SLC37A3: variants seen among roughly 807,000 people sequenced by gnomAD.
SLC37A3 encodes the protein sugar phosphate exchanger 3.
A neutral mutation model predicts 67.1 loss-of-function variants in SLC37A3; 51 were observed. That is an observed-to-expected ratio of 0.76 (90% confidence interval 0.61 to 0.96). The LOEUF is 0.96. Among genes scored for constraint, SLC37A3 ranks in the 40% least tolerant of loss-of-function variants. SLC37A3 has a pLI of 0.00. For missense variants in SLC37A3, 508 were observed against 603.0 expected, an observed-to-expected ratio of 0.84 and a Z score of 1.65; for synonymous variants, 214 against 231.4, an observed-to-expected ratio of 0.92 and a Z score of 0.68.
intron 5 of SLC37A3, among the ~76,000 whole-genome samples, chr7:140,361,061 A>C (rs1156707041): frequency 2.0e-5 from 3 of 152,092 alleles, no homozygotes; most frequent in East Asian, 3.9e-4. Flanking sequence ...CAGAAGCGGG[A>C]CTGACATTCT....
intron 1 of SLC37A3, among the ~76,000 whole-genome samples, chr7:140,394,425 C>G (rs1270630045): frequency 2.0e-5 from 3 of 151,786 alleles, no homozygotes; most frequent in Non-Finnish European, 4.4e-5. Flanking sequence ...TAAGACCAAC[C>G]TTGGCAACAT....
At chr7:140,398,352 C>A in intron 1 of SLC37A3, 64 bp downstream of exon 1, 1 of 152,492 alleles carries the variant, frequency 6.6e-6, no homozygotes, top group Non-Finnish European at 1.5e-5. Flanking sequence ...CCCGGGAAGC[C>A]CCTCGGATTG....
chr7:140,358,826 C>A (rs747638182), intron 5 of SLC37A3, 41 bp from the exon 6 acceptor site: 1 of 1,612,062 alleles, frequency 6.2e-7, no homozygotes, highest in Non-Finnish European at 8.5e-7. Flanking sequence ...AACAGCCACA[C>A]TGACACTTTC....
At chr7:140,389,202 A>G (rs1798628764) in intron 1 of SLC37A3, among the ~76,000 whole-genome samples, 1 of 152,190 alleles carries the variant, frequency 6.6e-6, no homozygotes, top group Non-Finnish European at 1.5e-5. Context: ...CTACAAGATT[A>G]GAAATTACAA....
chr7:140,343,251 G>A (rs960952488), intron 13 of SLC37A3, among the ~76,000 whole-genome samples, 161 bp downstream of exon 13: 4 of 152,194 alleles, frequency 2.6e-5, no homozygotes, highest in Non-Finnish European at 5.9e-5. Flanking sequence ...TCTACATTAG[G>A]ACGCATCAGC....
intron 13 of SLC37A3, 91 bp downstream of exon 13, chr7:140,343,321 G>C: frequency 6.4e-7 from 1 of 1,567,280 alleles, no homozygotes; most frequent in South Asian, 1.1e-5. Flanking sequence ...CAGCACAAGA[G>C]TGCCACCTAC....
chr7:140,357,041 C>T (rs1431943456), intron 6 of SLC37A3, among the ~76,000 whole-genome samples: 1 of 151,972 alleles, frequency 6.6e-6, no homozygotes, highest in Non-Finnish European at 1.5e-5. Flanking sequence ...GGAGAAACCC[C>T]ATCTCCACTA....
intron 9 of SLC37A3, among the ~76,000 whole-genome samples, chr7:140,349,810 G>A (rs1248677092): frequency 6.6e-6 from 1 of 152,166 alleles, no homozygotes; most frequent in Non-Finnish European, 1.5e-5. Context: ...AACAGCAAAA[G>A]AGGTCCATAT....
intron 5 of SLC37A3, among the ~76,000 whole-genome samples, chr7:140,362,294 T>C (rs2117148883): frequency 7.6e-6 from 1 of 132,358 alleles, no homozygotes. Context: ...GTCTGAGAAG[T>C]GAGGAAACCC....
At chr7:140,368,908 A>G (rs1448493291) in intron 4 of SLC37A3, among the ~76,000 whole-genome samples, 2 of 152,138 alleles carry the variant, frequency 1.3e-5, no homozygotes, top group East Asian at 3.8e-4. Context: ...GTTGCGCTGG[A>G]CCCAAGTCAC....
chr7:140,381,213 T>TA (rs138883793), intron 2 of SLC37A3, among the ~76,000 whole-genome samples: 32 of 136,024 alleles, frequency 2.4e-4, no homozygotes, highest in Admixed American at 4.3e-4. Context: ...TTCTTCTCTT[T>TA]AAAAAAAAAA....
chr7:140,375,474 CAAA>C (rs11292852), intron 3 of SLC37A3, among the ~76,000 whole-genome samples: 1 of 139,888 alleles, frequency 7.1e-6, no homozygotes. Flanking sequence ...GACTCCGTCT[CAAA>C]AAAAAAAAAA....
chr7:140,375,524 A>C (rs556349755), intron 3 of SLC37A3, among the ~76,000 whole-genome samples: 1 of 152,232 alleles, frequency 6.6e-6, no homozygotes, highest in East Asian at 1.9e-4. Context: ...CAAAAATCAC[A>C]ATCAGCAATT....
At chr7:140,361,811 C>G (rs372378832) in intron 5 of SLC37A3, among the ~76,000 whole-genome samples, 1 of 142,718 alleles carries the variant, frequency 7.0e-6, no homozygotes, top group Admixed American at 6.9e-5. Context: ...CTCGGCCTCC[C>G]GAGGTGCCGG....
chr7:140,358,866 G>A, intron 5 of SLC37A3, 81 bp from the exon 6 acceptor site: 1 of 1,543,264 alleles, frequency 6.5e-7, no homozygotes, highest in Non-Finnish European at 8.9e-7. Context: ...ACTTGCTTCA[G>A]AGTAGAGACC....
intron 1 of SLC37A3, among the ~76,000 whole-genome samples, chr7:140,390,472 C>A (rs1798682720): frequency 6.6e-6 from 1 of 152,140 alleles, no homozygotes; most frequent in Non-Finnish European, 1.5e-5. Flanking sequence ...AGGACACAAG[C>A]GTTCCATGTT....
rs751628034 is a variant in SLC37A3 at position 140,364,449 on chromosome 7, G to T, written c.334C>A (p.Arg112=). The change falls in exon 5 of 15, where the codon CGA becomes AGA. Residue 112 remains arginine, a synonymous_variant. Transcript: ENST00000326232. ...SGIVGDRLNL[R]WVLSFGMCSS... Reference sequence around the variant, plus strand: ...CACATGCCAAAAGACAGAACCCATCGCAAATTCAACCGATCCCCAACGATG... The same window carrying T: ...CACATGCCAAAAGACAGAACCCATCTCAAATTCAACCGATCCCCAACGATG... 1 of 1,613,888 alleles carries T rather than the reference G, an allele frequency of 6.2e-7. No homozygotes were observed. The highest frequency in any genetic ancestry group is 8.5e-7 in the Non-Finnish European group (1 of 1,179,990).
intron 14 of SLC37A3, among the ~76,000 whole-genome samples, chr7:140,336,288 T>C (rs1335934573): frequency 6.6e-6 from 1 of 152,232 alleles, no homozygotes; most frequent in African/African-American, 2.4e-5. Context: ...CACACACCTA[T>C]AGTCCCAGGT....
chr7:140,351,589 C>T (rs1248084304), intron 8 of SLC37A3, 138 bp from the exon 9 acceptor site: 1 of 761,962 alleles, frequency 1.3e-6, no homozygotes, highest in African/African-American at 1.8e-5. Flanking sequence ...AGACCGAGGT[C>T]AACTAAGGTC....
Sources: allele counts gnomAD v4.1 joint callset (sites outside exome capture counted in the v4.1 genomes callset), GRCh38; gene constraint gnomAD v4.1.1; transcripts MANE v1.5; gene names NCBI Gene and HGNC (gene_info 2026-07-23, HGNC 2026-07-21).